ANGPT4: variants seen among roughly 807,000 people sequenced by gnomAD.
The protein encoded by ANGPT4 is angiopoietin-4.
In ANGPT4, 50 loss-of-function variants were observed where a neutral mutation model predicts 53.0. The ratio of observed to expected loss-of-function variants is 0.94; its 90% CI spans 0.75 to 1.20. The LOEUF (loss-of-function observed/expected upper bound fraction) is 1.20, where lower values mean the gene tolerates loss of function less well. Among genes scored for constraint, ANGPT4 ranks in the 50% most tolerant of loss-of-function variants. ANGPT4 has a pLI of 0.00. For synonymous variants in ANGPT4, 251 were observed against 259.7 expected (o/e 0.97, Z 0.32); for missense variants, 648 against 637.1 (o/e 1.02, Z -0.18).
chr20:895,525 A>G (rs1982011895), intron 1 of ANGPT4, among the ~76,000 whole-genome samples: 2 of 152,140 alleles, frequency 1.3e-5, no homozygotes, highest in Admixed American at 1.3e-4. Flanking sequence ...AGGGTCTTGA[A>G]GGAAAAGAAA....
chr20:903,662 C>CCCAGTGAACAGAGTCCAAA (rs1342816053), intron 1 of ANGPT4, among the ~76,000 whole-genome samples: 4 of 152,136 alleles, frequency 2.6e-5, no homozygotes, highest in Non-Finnish European at 4.4e-5. Context: ...TAAAACAGTC[C>CCCAGTGAACAGAGTCCAAA]CCAGTGAACA....
chr20:887,762 G>T (rs980028950), intron 3 of ANGPT4, among the ~76,000 whole-genome samples: 1 of 151,852 alleles, frequency 6.6e-6, no homozygotes, highest in African/African-American at 2.4e-5. Context: ...GAAAGGAATC[G>T]TAGATAGCAC....
At position 891,177 on chromosome 20, in the gene ANGPT4, A is replaced by G. The variant is rs375320880; in HGVS notation, c.310-809T>C. Among the ~76,000 whole-genome samples, 301 of 152,288 alleles carry G rather than the reference A, an allele frequency of 2.0e-3. 2 individuals are homozygous for G. Among genetic ancestry groups the G allele is most frequent in the African/African-American group, 6.6e-3 (274 of 41,570 alleles). ...GGGTCAGAGCACAGCGCCCAATCACATGCCCCTTCACCAGCTTCCTCAGGG... is the reference window on the plus strand; with the variant it reads ...GGGTCAGAGCACAGCGCCCAATCACGTGCCCCTTCACCAGCTTCCTCAGGG... On this transcript the variant is annotated intron_variant, in intron 1 of 8. Transcript: ENST00000381922.
chr20:902,937 GTTCAGGCTCAGAGTCACT>G (rs973697833), intron 1 of ANGPT4, among the ~76,000 whole-genome samples: 5 of 152,180 alleles, frequency 3.3e-5, no homozygotes, highest in African/African-American at 1.2e-4. Context: ...GCAAATGGAG[GTTCAGGCTCAGAGTCACT>G]TCCCTGAGGT....
intron 6 of ANGPT4, 65 bp from the exon 7 acceptor site, chr20:878,392 G>T (rs539498057): frequency 2.7e-6 from 4 of 1,501,674 alleles, no homozygotes; most frequent in East Asian, 4.7e-5. Flanking sequence ...TGGCTGAGGA[G>T]CTGGGCTGGG....
At chr20:875,138 T>C (rs1981115699) in intron 7 of ANGPT4, among the ~76,000 whole-genome samples, 2 of 152,188 alleles carry the variant, frequency 1.3e-5, no homozygotes, top group Admixed American at 1.3e-4. Context: ...ATTTTACACA[T>C]GCGAAAACAG....
At chr20:902,261 A>C (rs531415200) in intron 1 of ANGPT4, among the ~76,000 whole-genome samples, 1 of 152,306 alleles carries the variant, frequency 6.6e-6, no homozygotes, top group South Asian at 2.1e-4. Context: ...ACTAGTATAT[A>C]AACACTAGGA....
chr20:901,683 T>C (rs1351078473), intron 1 of ANGPT4, among the ~76,000 whole-genome samples: 1 of 152,026 alleles, frequency 6.6e-6, no homozygotes. Context: ...GAGGCCAAGG[T>C]GGGTGGATCG....
intron 2 of ANGPT4, among the ~76,000 whole-genome samples, chr20:889,748 T>G (rs915310951): frequency 2.0e-5 from 3 of 152,134 alleles, no homozygotes; most frequent in Admixed American, 2.0e-4. Context: ...GGCACAAACT[T>G]GTGTCTATTT....
rs117736560 is a variant in ANGPT4, at chr20:908,954, G to A, written c.309+6952C>T. 2.4e-4 allele frequency among the ~76,000 whole-genome samples: 36 copies of A among 152,230 alleles called. No individual in the cohort carries two copies. The highest frequency in any genetic ancestry group is 5.2e-4 in the Admixed American group (8 of 15,282). On this transcript the variant is annotated intron_variant, in intron 1 of 8. Transcript: ENST00000381922. This position sits in a 1 kb window ranked among gnomAD's most constrained non-coding sequence, Gnocchi z 4.9. Reference sequence around the variant, plus strand: ...GGGTTCTGGGCCAACTCCTGCCACCGACCCTTGGGTGAATGTGATTGAGTC... The same window carrying A: ...GGGTTCTGGGCCAACTCCTGCCACCAACCCTTGGGTGAATGTGATTGAGTC...
chr20:873,574 T>C (rs563229787), intron 8 of ANGPT4, among the ~76,000 whole-genome samples: 2 of 152,230 alleles, frequency 1.3e-5, no homozygotes, highest in South Asian at 4.2e-4. Context: ...TGTGTTCATC[T>C]TTCTCTGATG....
intron 1 of ANGPT4, among the ~76,000 whole-genome samples, chr20:897,923 A>G (rs1033648301): frequency 2.6e-5 from 4 of 152,152 alleles, no homozygotes; most frequent in African/African-American, 9.7e-5. Context: ...AATTGTTCTA[A>G]ATGGCCAGAA....
intron 7 of ANGPT4, among the ~76,000 whole-genome samples, chr20:875,769 G>C (rs529826234): frequency 3.9e-5 from 6 of 152,294 alleles, no homozygotes; most frequent in Non-Finnish European, 5.9e-5. Flanking sequence ...CGGGGTGTTT[G>C]TATGGCAGGG....
chr20:879,740 G>C lies in ANGPT4; in HGVS notation c.1053+7C>G, dbSNP rs961791235. ...AGAATGGCCCCTCCCCAAGGCAGCA[G>C]GGCTACCTGTTTGTAATCCTTCCAG... On this transcript the variant is annotated splice_region_variant and intron_variant, in intron 6 of 8. Coordinates refer to ENST00000381922, the MANE Select transcript of ANGPT4 (RefSeq NM_015985.4). 1.2e-6 allele frequency: 2 copies of C among 1,611,550 alleles called. No individual in the cohort carries two copies. The highest frequency in any genetic ancestry group is 2.7e-5 in the African/African-American group (2 of 74,842).
chr20:898,122 C>G (rs781158569), intron 1 of ANGPT4, among the ~76,000 whole-genome samples: 1 of 152,142 alleles, frequency 6.6e-6, no homozygotes, highest in Admixed American at 6.6e-5. Context: ...CATCTCCACC[C>G]CAAGCTCTGA....
At chr20:897,609 G>T (rs141579841) in intron 1 of ANGPT4, among the ~76,000 whole-genome samples, 1 of 152,140 alleles carries the variant, frequency 6.6e-6, no homozygotes, top group Admixed American at 6.5e-5. Context: ...TCTGATCACC[G>T]GGGGGACACC....
chr20:913,150 C>G (rs1038239510), intron 1 of ANGPT4, among the ~76,000 whole-genome samples: 2 of 152,108 alleles, frequency 1.3e-5, no homozygotes, highest in African/African-American at 4.8e-5. Flanking sequence ...GATGATGATG[C>G]TGATGGTGCC....
At chr20:877,362 A>G (rs545715072) in intron 7 of ANGPT4, among the ~76,000 whole-genome samples, 1 of 152,254 alleles carries the variant, frequency 6.6e-6, no homozygotes, top group African/African-American at 2.4e-5. Flanking sequence ...TATCTAAAAG[A>G]TCCTTAAATT....
chr20:889,726 A>G (rs927748396), intron 2 of ANGPT4, among the ~76,000 whole-genome samples: 1 of 151,958 alleles, frequency 6.6e-6, no homozygotes, highest in African/African-American at 2.4e-5. Flanking sequence ...CGGGGGATCA[A>G]ACAAACAAAT....
Sources: gnomAD v4.1 joint callset for allele counts (sites outside exome capture counted in the v4.1 genomes callset) on GRCh38, gnomAD v4.1.1 for gene constraint, Gnocchi (gnomAD v3.1) non-coding constraint, MANE v1.5 for transcripts, NCBI Gene and HGNC (gene_info 2026-07-23, HGNC 2026-07-21) for gene names.